The following PCDH7 variants were observed in gnomAD, a reference collection of about 807,000 sequenced individuals.
PCDH7 encodes protocadherin 7, also known as protocadherin-7.
PCDH7 carries 17 observed loss-of-function variants against 58.9 expected under a neutral mutation model. The observed-to-expected ratio is 0.29, with a 90% CI of 0.20 to 0.43. The LOEUF is 0.43. PCDH7 is among the 20% of genes least tolerant of loss of function. The pLI is 1.00. For missense variants in PCDH7, 1,274 were observed against 1,441.0 expected, an observed-to-expected ratio of 0.88 and a Z score of 1.88; for synonymous variants, 664 against 616.4, an observed-to-expected ratio of 1.08 and a Z score of -1.14.
downstream of PCDH7, chr4:31,144,592 T>A (rs555878594): frequency 6.6e-6 from 1 of 152,228 alleles, no homozygotes; most frequent in Non-Finnish European, 1.5e-5. Context: ...GGTAGTTTCA[T>A]GCTTTGCAGA....
chr4:30,874,868 T>A (rs1218218084), intron 1 of PCDH7, among the ~76,000 whole-genome samples: 1 of 152,016 alleles, frequency 6.6e-6, no homozygotes, highest in Non-Finnish European at 1.5e-5. Context: ...TCAGCAAGAC[T>A]GTTGGAGCTT....
chr4:30,816,263 G>A (rs1249318513), intron 1 of PCDH7, among the ~76,000 whole-genome samples: 1 of 151,950 alleles, frequency 6.6e-6, no homozygotes, highest in African/African-American at 2.4e-5. Context: ...GTTCTCTCTT[G>A]AGTTTTTGTA....
chr4:30,890,780 G>A (rs1047898350), intron 1 of PCDH7, among the ~76,000 whole-genome samples: 7 of 151,950 alleles, frequency 4.6e-5, no homozygotes, highest in African/African-American at 1.7e-4. Flanking sequence ...TTATTTCTAA[G>A]GGTATATTTA....
At chr4:30,807,756 A>G (rs944461829) in intron 1 of PCDH7, among the ~76,000 whole-genome samples, 6 of 150,692 alleles carry the variant, frequency 4.0e-5, no homozygotes, top group African/African-American at 9.7e-5. Flanking sequence ...CTATTTGTGA[A>G]AAAAAAAAAG....
At chr4:31,140,093 TTCAGTCAA>T (rs1182598313) in intron 3 of PCDH7, among the ~76,000 whole-genome samples, 1 of 152,186 alleles carries the variant, frequency 6.6e-6, no homozygotes, top group Non-Finnish European at 1.5e-5. Context: ...TGATTGGAGA[TTCAGTCAA>T]TCTATTTAAT....
chr4:31,059,871 G>A (rs2109235955), intron 3 of PCDH7, among the ~76,000 whole-genome samples: 1 of 151,560 alleles, frequency 6.6e-6, no homozygotes, highest in Middle Eastern at 3.4e-3. Flanking sequence ...TAAAATATTA[G>A]GCTGAAAGTA....
chr4:30,736,155 C>T (rs1368580706), downstream of PCDH7, among the ~76,000 whole-genome samples: 1 of 152,114 alleles, frequency 6.6e-6, no homozygotes, highest in Non-Finnish European at 1.5e-5. Context: ...CCTAACTTAA[C>T]TGGAGGAAGC....
intron 1 of PCDH7, 88 bp downstream of exon 1, chr4:30,724,684 G>A (rs745581855): frequency 1.0e-5 from 15 of 1,470,392 alleles, no homozygotes; most frequent in East Asian, 4.9e-5. Context: ...TTGTCTTCTC[G>A]TTTTTAAAGT....
chr4:31,141,481 T>C (rs1190563474), intron 3 of PCDH7, among the ~76,000 whole-genome samples: 1 of 152,236 alleles, frequency 6.6e-6, no homozygotes, highest in East Asian at 1.9e-4. Flanking sequence ...TCCCATTCTC[T>C]CTTTCTCAAA....
rs150256424 is a variant in PCDH7, at chr4:31,061,496, T to C, written c.*8-80977T>C. On this transcript the variant is annotated intron_variant, in intron 3 of 3. Transcript: ENST00000509759. ...CCCTAAGACTATTACTATCAGAAAA[T>C]ATAAAATTATACTTATTTTCTGTCA... Among the ~76,000 whole-genome samples the C allele has an allele frequency of 4.7e-3, 715 of 151,600 alleles. 4 individuals carry two copies. Among genetic ancestry groups the C allele is most frequent in the African/African-American group, 0.016 (673 of 41,476 alleles).
At chr4:31,080,062 A>T (rs1208144860) in intron 3 of PCDH7, among the ~76,000 whole-genome samples, 1 of 152,208 alleles carries the variant, frequency 6.6e-6, no homozygotes, top group Admixed American at 6.5e-5. Flanking sequence ...CTGCAATAAG[A>T]TAAAAGCAGG....
chr4:30,809,909 C>A (rs1023032494), intron 1 of PCDH7, among the ~76,000 whole-genome samples: 13 of 152,208 alleles, frequency 8.5e-5, no homozygotes, highest in African/African-American at 3.1e-4. Flanking sequence ...GTCACTCTTA[C>A]TTGCTTTTGG....
At chr4:30,915,579 G>A (rs779409597) in intron 1 of PCDH7, among the ~76,000 whole-genome samples, 5 of 152,008 alleles carry the variant, frequency 3.3e-5, no homozygotes, top group Admixed American at 6.6e-5. Flanking sequence ...GCTAGAGTGC[G>A]GTGGCGCGAT....
intron 3 of PCDH7, among the ~76,000 whole-genome samples, chr4:30,972,865 T>C (rs1749722837): frequency 6.6e-6 from 1 of 152,210 alleles, no homozygotes; most frequent in Non-Finnish European, 1.5e-5. Context: ...AAATAAACTA[T>C]TTTAAAACTT....
chr4:30,835,820 T>G (rs1255059589), intron 1 of PCDH7, among the ~76,000 whole-genome samples: 1 of 152,174 alleles, frequency 6.6e-6, no homozygotes, highest in Non-Finnish European at 1.5e-5. Flanking sequence ...ATGCTGAACA[T>G]TTTTTAAAAT....
rs563255456 is a variant in PCDH7 at position 31,076,504 on chromosome 4, A to C, written c.*8-65969A>C. 3.9e-5 allele frequency among the ~76,000 whole-genome samples: 6 copies of C among 152,322 alleles called. No homozygotes were observed. The South Asian group carries it at 6.2e-4, about 16-fold the overall frequency. On this transcript the variant is annotated intron_variant, in intron 3 of 3. Transcript: ENST00000509759. The stretch of plus-strand genomic sequence containing the variant: ...GTAAAGCAGTGGTACTATTTAAAAT[A>C]TACCACTGGTGTTGAAGCTTTCTCA...
intron 1 of PCDH7, among the ~76,000 whole-genome samples, chr4:30,809,982 A>G (rs1726768257): frequency 6.6e-6 from 1 of 152,162 alleles, no homozygotes; most frequent in African/African-American, 2.4e-5. Context: ...TTCAATGTGC[A>G]GCTAACTCAG....
At position 30,978,272 on chromosome 4, in the gene PCDH7, G is replaced by C. The variant is rs1030739393; in HGVS notation, c.*7+28057G>C. Among the ~76,000 whole-genome samples the C allele has an allele frequency of 2.0e-5, 3 of 152,132 alleles. No homozygotes were observed. The East Asian group carries it at 5.8e-4, about 29-fold the overall frequency. On this transcript the variant is annotated intron_variant, in intron 3 of 3. Coordinates refer to the PCDH7 transcript ENST00000509759. ...CCAGAATGCTGGGCGTGACCTTGGA[G>C]AACAAATCTTCCCTTTCTGATCCTT... is the stretch of plus-strand genomic sequence containing the variant.
In PCDH7 at chr4:30,812,942, TC is replaced by T. The variant is rs2109314989; in HGVS notation, c.70+88347del. ...AATTAGAAAATGAAGGCAACATAATTCTAAGCATTATGAAGATATATTGGGC... is the reference window on the plus strand; with the variant it reads ...AATTAGAAAATGAAGGCAACATAATTTAAGCATTATGAAGATATATTGGGC... On this transcript the variant is annotated intron_variant, in intron 1 of 3. Coordinates refer to the PCDH7 transcript ENST00000509759. Among the ~76,000 whole-genome samples the T allele has an allele frequency of 1.3e-5, 2 of 152,318 alleles. 1 individual carries two copies. The highest frequency in any genetic ancestry group is 4.1e-4 in the South Asian group (2 of 4,822).
Sources: allele counts gnomAD v4.1 joint callset (sites outside exome capture counted in the v4.1 genomes callset), GRCh38; gene constraint gnomAD v4.1.1; transcripts MANE v1.5; gene names NCBI Gene and HGNC (gene_info 2026-07-23, HGNC 2026-07-21).